SEC24B: variants seen among roughly 807,000 people sequenced by gnomAD.
SEC24B encodes the protein SEC24 homolog B, COPII component.
SEC24B carries 45 observed loss-of-function variants against 142.8 expected under a neutral mutation model. The observed-to-expected ratio is 0.32, with a 90% CI of 0.25 to 0.40. The LOEUF (loss-of-function observed/expected upper bound fraction) is 0.40, where lower values mean the gene tolerates loss of function less well. Among genes scored for constraint, SEC24B ranks in the 10% least tolerant of loss-of-function variants. The probability of loss-of-function intolerance (pLI) is 1.00; values close to 1 mark genes in which losing one functional copy is unlikely to be tolerated. For missense variants in SEC24B, 1,409 were observed against 1,526.8 expected, an observed-to-expected ratio of 0.92 and a Z score of 1.29; for synonymous variants, 574 against 568.2, an observed-to-expected ratio of 1.01 and a Z score of -0.15.
At chr4:109,450,386 G>A (rs887404717) in intron 1 of SEC24B, among the ~76,000 whole-genome samples, 26 of 152,004 alleles carry the variant, frequency 1.7e-4, no homozygotes, top group Non-Finnish European at 2.8e-4. Flanking sequence ...ACAGCCAGGC[G>A]CGGTGGCTCA....
At chr4:109,486,569 G>A (rs918559068) in intron 4 of SEC24B, among the ~76,000 whole-genome samples, 5 of 152,086 alleles carry the variant, frequency 3.3e-5, no homozygotes, top group Non-Finnish European at 5.9e-5. Flanking sequence ...GTAACATAGA[G>A]CCAGTAGAAG....
At position 109,533,658 on chromosome 4, in the gene SEC24B, T is replaced by G. The variant is rs1230525025; in HGVS notation, c.3561T>G (p.Thr1187=). 1 of 1,605,502 alleles carries G rather than the reference T, an allele frequency of 6.2e-7. No individual in the cohort carries two copies. The highest frequency in any genetic ancestry group is 8.5e-7 in the Non-Finnish European group (1 of 1,175,616). ...TCATAGAGGATGTGCTTGGATATAC[T>G]AATTTTGCATCAATACCACAGAAAA... ...NNFIEDVLGY[T]NFASIPQKMT... Residue 1187 remains threonine (T), a synonymous_variant, in exon 22 of 24, where the codon ACT becomes ACG. Coordinates refer to ENST00000265175, the MANE Select transcript of SEC24B (RefSeq NM_006323.5).
chr4:109,448,933 C>CT (rs1196198243), intron 1 of SEC24B, among the ~76,000 whole-genome samples: 1,747 of 139,958 alleles, frequency 0.012, 27 homozygotes, highest in African/African-American at 0.031. Context: ...TTAGTCTTGT[C>CT]TTTTTTTTTT....
intron 4 of SEC24B, among the ~76,000 whole-genome samples, chr4:109,487,090 G>A (rs896013138): frequency 6.6e-6 from 1 of 151,098 alleles, no homozygotes; most frequent in Non-Finnish European, 1.5e-5. Context: ...ACTTGAACCC[G>A]GGAGACAGAG....
chr4:109,518,829 CAG>C (rs375508443), intron 11 of SEC24B, among the ~76,000 whole-genome samples: 3 of 124,554 alleles, frequency 2.4e-5, no homozygotes, highest in Admixed American at 9.3e-5. Context: ...TTTTTTGAGA[CAG>C]AGGCTTGCTC....
chr4:109,433,951 G>A lies in SEC24B; in HGVS notation c.82G>A (p.Ala28Thr), dbSNP rs1728110591. ...GTTCGGCGGAGCGGCCGTCTCAGGA[G>A]CCGCAGCGCCCGCGGGCCCGGGTGC... Reference protein sequence around the residue: ...PKFGGAAVSGAAAPAGPGAGP... With the variant: ...PKFGGAAVSGTAAPAGPGAGP... The change falls in exon 1 of 24, where the codon GCC becomes ACC. Residue 28 changes from alanine (A) to threonine (T), a missense_variant. Transcript: ENST00000265175. 2.9e-5 allele frequency: 36 copies of A among 1,245,438 alleles called. No homozygotes were observed. The highest frequency in any genetic ancestry group is 3.5e-5 in the Non-Finnish European group (35 of 997,008). 77.1% of individuals were successfully genotyped at this position (1,245,438 alleles called of 1,614,324 possible). A position where few individuals can be genotyped will look rare whatever the true frequency, so the allele number is the denominator to read the frequency against.
In SEC24B at chr4:109,540,086, A is replaced by G. The variant is rs1332268950; in HGVS notation, c.*411A>G. The G allele has an allele frequency of 6.4e-6, 1 of 155,126 alleles. No individual in the cohort carries two copies. Among genetic ancestry groups the G allele is most frequent in the Non-Finnish European group, 1.4e-5 (1 of 70,126 alleles). 9.6% of individuals were successfully genotyped at this position (155,126 alleles called of 1,614,324 possible). ...GCAAGAGATGCCAAAAGGCATTGGT[A>G]CCGTGTTATTTGTTTATATGAATTA... is the stretch of plus-strand genomic sequence containing the variant. On this transcript the variant is annotated 3_prime_UTR_variant, in exon 24 of 24. Transcript: ENST00000265175.
chr4:109,450,028 A>G (rs904986622), intron 1 of SEC24B, among the ~76,000 whole-genome samples: 15 of 152,084 alleles, frequency 9.9e-5, no homozygotes, highest in African/African-American at 3.6e-4. Flanking sequence ...CAGCCTGGCT[A>G]ACATAGACCT....
intron 11 of SEC24B, among the ~76,000 whole-genome samples, chr4:109,519,550 A>T (rs918029367): frequency 1.9e-4 from 29 of 152,222 alleles, no homozygotes; most frequent in African/African-American, 6.8e-4. Context: ...GTAGGTCAGT[A>T]GTCTCCTCTA....
chr4:109,457,434 T>C (rs1285805101), intron 1 of SEC24B, among the ~76,000 whole-genome samples: 1 of 152,206 alleles, frequency 6.6e-6, no homozygotes, highest in Non-Finnish European at 1.5e-5. Context: ...AGCACCTGGC[T>C]AGGGCCTTCT....
chr4:109,435,653 C>G (rs556584307), intron 1 of SEC24B, among the ~76,000 whole-genome samples: 1 of 152,224 alleles, frequency 6.6e-6, no homozygotes, highest in African/African-American at 2.4e-5. Context: ...TCTGTAAGAA[C>G]AAATCAATGT....
intron 16 of SEC24B, among the ~76,000 whole-genome samples, chr4:109,525,772 A>G (rs1347625471): frequency 6.6e-6 from 1 of 152,162 alleles, no homozygotes; most frequent in East Asian, 1.9e-4. Context: ...GGAGAATTAG[A>G]GGAATAGGGA....
intron 1 of SEC24B, among the ~76,000 whole-genome samples, chr4:109,440,138 C>G (rs1456286732): frequency 6.6e-6 from 1 of 151,144 alleles, no homozygotes; most frequent in Non-Finnish European, 1.5e-5. Flanking sequence ...AAAAAAAGAT[C>G]TTAAAGTATT....
At position 109,491,362 on chromosome 4, in the gene SEC24B, C is replaced by T. The variant is rs1414460176; in HGVS notation, c.1201C>T (p.Pro401Ser). 3 of 1,613,750 alleles carry T rather than the reference C, an allele frequency of 1.9e-6. No individual in the cohort carries two copies. The highest frequency in any genetic ancestry group is 2.5e-6 in the Non-Finnish European group (3 of 1,179,712). The change falls in exon 5 of 24, where the codon CCA becomes TCA. Residue 401 changes from proline to serine, a missense_variant. Around this residue, in one of 2 missense-constraint regions of SEC24B, gnomAD observed 709 missense variants for 673.5 expected, o/e 1.05. Coordinates refer to ENST00000265175, the MANE Select transcript of SEC24B (RefSeq NM_006323.5). ...CTCTTCTACCACAAGCAGTGCTTCT[C>T]CAATGCCCAACAGTTATGATGCCCT... ...DSSSTTSSAS[P>S]MPNSYDALEG...
At chr4:109,437,764 A>G (rs1728544051) in intron 1 of SEC24B, among the ~76,000 whole-genome samples, 1 of 152,178 alleles carries the variant, frequency 6.6e-6, no homozygotes, top group Admixed American at 6.5e-5. Context: ...AGCTGGGCCT[A>G]CAGGCGCACA....
At chr4:109,438,973 A>G (rs867003801) in intron 1 of SEC24B, among the ~76,000 whole-genome samples, 10 of 152,336 alleles carry the variant, frequency 6.6e-5, no homozygotes, top group South Asian at 4.1e-4. Context: ...GACTAAAGTA[A>G]TAGCCTGGTA....
intron 1 of SEC24B, among the ~76,000 whole-genome samples, chr4:109,439,369 T>G (rs1728699895): frequency 6.6e-6 from 1 of 151,950 alleles, no homozygotes; most frequent in Non-Finnish European, 1.5e-5. Flanking sequence ...GTCTCAGGTT[T>G]CTAGTCTCCA....
chr4:109,463,147 T>C lies in SEC24B; in HGVS notation c.380T>C (p.Val127Ala). The C allele has an allele frequency of 6.2e-7, 1 of 1,614,152 alleles. No individual in the cohort carries two copies. Among genetic ancestry groups the C allele is most frequent in the Non-Finnish European group, 8.5e-7 (1 of 1,180,022 alleles). The change falls in exon 2 of 24, where the codon GTG (valine) becomes GCG (alanine). Residue 127 changes from valine to alanine, a missense_variant. Around this residue, in one of 2 missense-constraint regions of SEC24B, gnomAD observed 709 missense variants for 673.5 expected, o/e 1.05. Transcript: ENST00000265175. ...AGGGGTCCTCCTGCCCCTCATATTG[T>C]GGGATCCACTCTAGGATCTTTCCAA... ...YSRGPPAPHI[V>A]GSTLGSFQGA...
At position 109,525,505 on chromosome 4, in the gene SEC24B, G is replaced by C; in HGVS notation, c.2791+1G>C. 6.3e-7 allele frequency: 1 copy of C among 1,583,240 alleles called. No homozygotes were observed. On this transcript the variant is annotated splice_donor_variant, in intron 16 of 23. Transcript: ENST00000265175. LOFTEE classifies it high-confidence loss of function. ...GTTATGAGAATAAGGTGTACTAAAG[G>C]TATGAAGTTGTAAAAGTTATATTTT...
Sources: allele counts gnomAD v4.1 joint callset (sites outside exome capture counted in the v4.1 genomes callset), GRCh38; gene constraint gnomAD v4.1.1; regional missense constraint gnomAD v4.1.1; transcripts MANE v1.5; gene names NCBI Gene and HGNC (gene_info 2026-07-23, HGNC 2026-07-21).